Variants in MSL1 observed in about 807,000 individuals in gnomAD.
MSL1 encodes the protein MSL complex subunit 1, also known as male-specific lethal 1 homolog.
A neutral mutation model predicts 64.6 loss-of-function variants in MSL1; 21 were observed. That is an observed-to-expected ratio of 0.33 (90% CI 0.23 to 0.47). The LOEUF is 0.47. Ranked by LOEUF, MSL1 falls within the 20% of genes least tolerant of loss-of-function variation. The pLI, the probability that MSL1 is intolerant of heterozygous loss-of-function variation, is 1.00. For missense variants in MSL1, 664 were observed against 793.2 expected (o/e 0.84, Z 1.96); for synonymous variants, 339 against 329.6 (o/e 1.03, Z -0.31).
Position 40,131,476 on chromosome 17 carries a change from T to G in MSL1, c.1376-61T>G. The G allele has an allele frequency of 4.8e-6, 7 of 1,451,026 alleles. No individual in the cohort carries two copies. The highest frequency in any genetic ancestry group is 1.4e-5 in the African/African-American group (1 of 71,212). The allele number at this position is 1,451,026 out of a possible 1,614,324, so 89.9% of individuals were successfully genotyped here. A position where few individuals can be genotyped will look rare whatever the true frequency, so the allele number is the denominator to read the frequency against. On this transcript the variant is annotated intron_variant, in intron 3 of 8. Coordinates refer to ENST00000398532, the MANE Select transcript of MSL1 (RefSeq NM_001365919.1). This position sits in a 1 kb window ranked among gnomAD's most constrained non-coding sequence, Gnocchi z 4.5. ...CTTCAGTGATGATCCTTTCCTCCAT[T>G]TGGGGTATGGGCTTTTTTTCTTTTT...
rs1038450091 is a variant in MSL1 at position 40,133,524 on chromosome 17, T to C, written c.1557-10T>C. On this transcript the variant is annotated splice_polypyrimidine_tract_variant and intron_variant, in intron 6 of 8. Transcript: ENST00000398532. ...GGGTTTCTTTGTTTTGTTTGGTTTGTTTTTCCCAGATGGGATATTCAGAGG... is the reference window on the plus strand; with the variant it reads ...GGGTTTCTTTGTTTTGTTTGGTTTGCTTTTCCCAGATGGGATATTCAGAGG... 4 of 1,605,404 alleles carry C rather than the reference T, an allele frequency of 2.5e-6. No individual in the cohort carries two copies. The highest frequency in any genetic ancestry group is 3.4e-5 in the Admixed American group (2 of 58,020).
intron 6 of MSL1, 171 bp from the exon 7 acceptor site, chr17:40,133,363 G>A (rs1384165481): frequency 2.3e-6 from 2 of 871,280 alleles, no homozygotes; most frequent in Non-Finnish European, 3.4e-6. Context: ...GATCTAAACG[G>A]TAGACCTAAA....
At position 40,122,786 on chromosome 17, in the gene MSL1, G is replaced by A; in HGVS notation, c.174G>A (p.Pro58=). The A allele has an allele frequency of 7.3e-7, 1 of 1,376,194 alleles. No homozygotes were observed. The allele number at this position is 1,376,194 out of a possible 1,614,324, so 85.2% of individuals were successfully genotyped here. Residue 58 remains proline, a synonymous_variant, in exon 1 of 9, where the codon CCG becomes CCA. Transcript: ENST00000398532. This position sits in a 1 kb window ranked among gnomAD's most constrained non-coding sequence, Gnocchi z 4.2. ...RHRKLKEPGP[P]LASSQGGSPA... ...GTAAGCTCAAGGAGCCGGGGCCCCC[G>A]CTGGCCTCCTCCCAGGGCGGGAGCC...
At position 40,122,863 on chromosome 17, in the gene MSL1, C is replaced by A; in HGVS notation, c.251C>A (p.Pro84Gln). The change falls in exon 1 of 9, where the codon CCG becomes CAG. Residue 84 changes from proline to glutamine, a missense_variant. Transcript: ENST00000398532. The surrounding 1 kb of genome is among the most constrained non-coding windows in gnomAD (Gnocchi z 4.2). ...CGGKGRGLLLPAGAAPGQQEE... is the reference protein window; with the variant it reads ...CGGKGRGLLLQAGAAPGQQEE... ...GGCAAGGGCCGGGGCTTGTTACTCC[C>A]GGCCGGGGCGGCCCCCGGGCAGCAG... 2 of 1,391,968 alleles carry A rather than the reference C, an allele frequency of 1.4e-6. No homozygotes were observed. The highest frequency in any genetic ancestry group is 3.6e-5 in the Admixed American group (1 of 27,706). 86.2% of individuals were successfully genotyped at this position (1,391,968 alleles called of 1,614,324 possible). A position where few individuals can be genotyped will look rare whatever the true frequency, so the allele number is the denominator to read the frequency against.
intron 1 of MSL1, among the ~76,000 whole-genome samples, chr17:40,123,867 A>G (rs947259868): frequency 6.6e-6 from 1 of 152,178 alleles, no homozygotes; most frequent in Admixed American, 6.5e-5. Context: ...GCACAGGGGT[A>G]GAGGTGATTT....
chr17:40,126,538 G>C (rs1378072606), intron 2 of MSL1, 132 bp downstream of exon 2: 1 of 817,772 alleles, frequency 1.2e-6, no homozygotes, highest in Non-Finnish European at 2.0e-6. Flanking sequence ...GCCGGGTGTG[G>C]TGGCTCACAC....
chr17:40,136,637 G>T lies in MSL1; in HGVS notation c.*2268G>T, dbSNP rs1249972800. 1 of 152,208 alleles carries T rather than the reference G, an allele frequency of 6.6e-6. No individual in the cohort carries two copies. Among genetic ancestry groups the T allele is most frequent in the East Asian group, 1.9e-4 (1 of 5,332 alleles). 9.4% of individuals were successfully genotyped at this position (152,208 alleles called of 1,614,324 possible). A position where few individuals can be genotyped will look rare whatever the true frequency, so the allele number is the denominator to read the frequency against. On this transcript the variant is annotated 3_prime_UTR_variant, in exon 9 of 9. Coordinates refer to ENST00000398532, the MANE Select transcript of MSL1 (RefSeq NM_001365919.1). ...GTTAATAAATTAAAAAAAATTGCTT[G>T]TCTGTCTACTTCAGCTTTGTTTTAT...
Position 40,129,421 on chromosome 17 carries a change from C to T in MSL1, c.1169C>T (p.Pro390Leu). Residue 390 changes from proline to leucine, a missense_variant, in exon 3 of 9, where the codon CCC becomes CTC. By Grantham distance (98) the Pro-to-Leu change is moderately conservative. This residue lies in a region of MSL1 where 119 missense variants were observed against 164.3 expected (regional missense o/e 0.72). Coordinates refer to ENST00000398532, the MANE Select transcript of MSL1 (RefSeq NM_001365919.1). ...ELRSQETPEK[P>L]RSSVDTPPRL... ...AGGAGCCAAGAAACCCCAGAAAAGC[C>T]CCGGTCTTCAGTGGACACCCCACCA... The T allele has an allele frequency of 6.2e-7, 1 of 1,613,364 alleles. No individual in the cohort carries two copies. The highest frequency in any genetic ancestry group is 8.5e-7 in the Non-Finnish European group (1 of 1,179,724).
At chr17:40,129,155 C>G in intron 2 of MSL1, 90 bp from the exon 3 acceptor site, 1 of 1,135,438 alleles carries the variant, frequency 8.8e-7, no homozygotes, top group Non-Finnish European at 1.2e-6. Context: ...GGCAAAAGAA[C>G]CAGCTTATTC....
chr17:40,131,670 C>G lies in MSL1; in HGVS notation c.1423+86C>G. On this transcript the variant is annotated intron_variant, in intron 4 of 8. Transcript: ENST00000398532. The surrounding 1 kb of genome is among the most constrained non-coding windows in gnomAD (Gnocchi z 4.5). ...GGTTGGGAGCTGCATTCCCCATCCA[C>G]TGGATGTGGGAGACTGAGATTTCTT... 3.4e-6 allele frequency: 4 copies of G among 1,161,534 alleles called. No homozygotes were observed. Among genetic ancestry groups the G allele is most frequent in the Non-Finnish European group, 3.9e-6 (3 of 767,726 alleles). The allele number at this position is 1,161,534 out of a possible 1,614,324, so 72.0% of individuals were successfully genotyped here.
chr17:40,129,731 A>G, intron 3 of MSL1, 104 bp downstream of exon 3: 1 of 1,255,748 alleles, frequency 8.0e-7, no homozygotes, highest in Non-Finnish European at 1.1e-6. Context: ...TCAATAAAGC[A>G]GAGTTCTGTC....
At position 40,123,088 on chromosome 17, in the gene MSL1, C is replaced by T; in HGVS notation, c.476C>T (p.Ala159Val). Reference protein sequence around the residue: ...PTPWAGDKGGAASPAATASDP... With the variant: ...PTPWAGDKGGVASPAATASDP... ...CCCTGGGCTGGGGACAAGGGTGGGGCGGCCTCCCCCGCTGCCACCGCCTCG... is the reference window on the plus strand; with the variant it reads ...CCCTGGGCTGGGGACAAGGGTGGGGTGGCCTCCCCCGCTGCCACCGCCTCG... The change falls in exon 1 of 9, where the codon GCG becomes GTG. Residue 159 changes from alanine (A) to valine (V), a missense_variant. Coordinates refer to ENST00000398532, the MANE Select transcript of MSL1 (RefSeq NM_001365919.1). 1 of 1,529,422 alleles carries T rather than the reference C, an allele frequency of 6.5e-7. No homozygotes were observed. Among genetic ancestry groups the T allele is most frequent in the Non-Finnish European group, 8.7e-7 (1 of 1,144,324 alleles). The allele number at this position is 1,529,422 out of a possible 1,614,324, so 94.7% of individuals were successfully genotyped here. A position where few individuals can be genotyped will look rare whatever the true frequency, so the allele number is the denominator to read the frequency against.
Position 40,136,411 on chromosome 17 carries a change from T to G in MSL1, c.*2042T>G, listed in dbSNP as rs1409417908. 6.6e-6 allele frequency: 1 copy of G among 152,354 alleles called. No homozygotes were observed. The highest frequency in any genetic ancestry group is 1.9e-4 in the East Asian group (1 of 5,340). The allele number at this position is 152,354 out of a possible 1,614,324, so 9.4% of individuals were successfully genotyped here. A position where few individuals can be genotyped will look rare whatever the true frequency, so the allele number is the denominator to read the frequency against. On this transcript the variant is annotated 3_prime_UTR_variant, in exon 9 of 9. Coordinates refer to ENST00000398532, the MANE Select transcript of MSL1 (RefSeq NM_001365919.1). ...CTTCTAGGTTAATTCTCCTTTGATTTGACTTTGTTGAGAAGGAGGTTGGAC... is the reference window on the plus strand; with the variant it reads ...CTTCTAGGTTAATTCTCCTTTGATTGGACTTTGTTGAGAAGGAGGTTGGAC...
In MSL1 at chr17:40,134,344, C is replaced by T; in HGVS notation, c.1820C>T (p.Thr607Ile). 1 of 1,556,442 alleles carries T rather than the reference C, an allele frequency of 6.4e-7. No individual in the cohort carries two copies. Among genetic ancestry groups the T allele is most frequent in the South Asian group, 1.2e-5 (1 of 84,252 alleles). Residue 607 changes from threonine to isoleucine, a missense_variant, in exon 9 of 9, where the codon ACA (threonine) becomes ATA (isoleucine). By Grantham distance (89) the Thr-to-Ile change is moderately conservative (BLOSUM62 -1). Coordinates refer to ENST00000398532, the MANE Select transcript of MSL1 (RefSeq NM_001365919.1). Reference sequence around the variant, plus strand: ...AGATTGGAGATCCAGAAGAAGCAAACACCTCACCGGACGTGTAGGAAATAG... The same window carrying T: ...AGATTGGAGATCCAGAAGAAGCAAATACCTCACCGGACGTGTAGGAAATAG... ...RCRLEIQKKQ[T>I]PHRTCRK
intron 1 of MSL1, among the ~76,000 whole-genome samples, chr17:40,125,830 G>A (rs1050326419): frequency 6.6e-6 from 1 of 152,092 alleles, no homozygotes; most frequent in Non-Finnish European, 1.5e-5. Flanking sequence ...AATTAATTCT[G>A]GAAACTCCCG....
intron 6 of MSL1, 33 bp downstream of exon 6, chr17:40,133,142 T>C (rs1988473435): frequency 6.3e-7 from 1 of 1,576,994 alleles, no homozygotes; most frequent in African/African-American, 1.3e-5. Context: ...TGGAAACAAC[T>C]GAGCCCTAGG....
chr17:40,124,367 T>TTCTC (rs142784983), intron 1 of MSL1, among the ~76,000 whole-genome samples: 1 of 149,082 alleles, frequency 6.7e-6, no homozygotes, highest in African/African-American at 2.5e-5. Flanking sequence ...CTCTTTCCCT[T>TTCTC]TCTCTCTCTC....
At position 40,123,077 on chromosome 17, in the gene MSL1, C is replaced by G. The variant is rs1988226545; in HGVS notation, c.465C>G (p.Asp155Glu). 1.3e-6 allele frequency: 2 copies of G among 1,531,374 alleles called. No homozygotes were observed. The highest frequency in any genetic ancestry group is 1.8e-4 in the Middle Eastern group (1 of 5,632). 94.9% of individuals were successfully genotyped at this position (1,531,374 alleles called of 1,614,324 possible). A position where few individuals can be genotyped will look rare whatever the true frequency, so the allele number is the denominator to read the frequency against. ...AAKEPTPWAG[D>E]KGGAASPAAT... Reference sequence around the variant, plus strand: ...AAGAGCCTACGCCCTGGGCTGGGGACAAGGGTGGGGCGGCCTCCCCCGCTG... The same window carrying G: ...AAGAGCCTACGCCCTGGGCTGGGGAGAAGGGTGGGGCGGCCTCCCCCGCTG... Residue 155 changes from aspartate (D) to glutamate (E), a missense_variant, in exon 1 of 9, where the codon GAC becomes GAG. Coordinates refer to ENST00000398532, the MANE Select transcript of MSL1 (RefSeq NM_001365919.1).
chr17:40,127,306 G>C (rs899358217), intron 2 of MSL1, among the ~76,000 whole-genome samples: 4 of 147,058 alleles, frequency 2.7e-5, no homozygotes, highest in Non-Finnish European at 4.5e-5. Context: ...CTGCACTCCA[G>C]CCTGGGTGAC....
Sources: allele counts gnomAD v4.1 joint callset (sites outside exome capture counted in the v4.1 genomes callset), GRCh38; gene constraint gnomAD v4.1.1; regional missense constraint gnomAD v4.1.1; non-coding constraint Gnocchi (gnomAD v3.1); transcripts MANE v1.5; gene names NCBI Gene and HGNC (gene_info 2026-07-23, HGNC 2026-07-21).